Variants in TNRC6C observed in about 807,000 individuals in gnomAD.
The protein encoded by TNRC6C is trinucleotide repeat containing adaptor 6C.
TNRC6C carries 20 observed loss-of-function variants against 153.7 expected under a neutral mutation model. The observed-to-expected ratio is 0.13, with a 90% CI of 0.09 to 0.19. The LOEUF (loss-of-function observed/expected upper bound fraction) is 0.19. Ranked by LOEUF, TNRC6C falls within the 10% of genes least tolerant of loss-of-function variation. The probability of loss-of-function intolerance (pLI) is 1.00; values close to 1 mark genes in which losing one functional copy is unlikely to be tolerated. For missense variants in TNRC6C, 1,987 were observed against 2,172.0 expected (o/e 0.91, Z 1.69); for synonymous variants, 811 against 841.4 (o/e 0.96, Z 0.63).
At chr17:77,974,589 G>A (rs917538993) in intron 1 of TNRC6C, among the ~76,000 whole-genome samples, 2 of 152,144 alleles carry the variant, frequency 1.3e-5, no homozygotes, top group Non-Finnish European at 2.9e-5. Flanking sequence ...AACCTCAAGA[G>A]TAGCTGGGAC....
rs150168813 is a variant in TNRC6C, at chr17:78,030,511, C to T, written c.-545-1005C>T. 2.8e-4 allele frequency among the ~76,000 whole-genome samples: 43 copies of T among 152,198 alleles called. 1 individual carries two copies. The East Asian group carries it at 7.1e-3, about 25-fold the overall frequency. ...TGAGTAATGTGTTGTGACATTGCAA[C>T]GGCTGTGTCACCAGACGATAGGAAT... On this transcript the variant is annotated intron_variant, in intron 1 of 19. Transcript: ENST00000301624.
At chr17:78,081,433 T>TA (rs1252500761) in intron 10 of TNRC6C, among the ~76,000 whole-genome samples, 1 of 152,102 alleles carries the variant, frequency 6.6e-6, no homozygotes, top group Non-Finnish European at 1.5e-5. Context: ...ATTATCAATA[T>TA]AACTAATACA....
intron 5 of TNRC6C, among the ~76,000 whole-genome samples, chr17:78,069,453 G>A (rs943471281): frequency 2.6e-5 from 4 of 152,054 alleles, no homozygotes; most frequent in African/African-American, 9.7e-5. Flanking sequence ...CACCTTAGGG[G>A]CTGGAGTACA....
chr17:78,103,772 T>G (rs916639941), intron 19 of TNRC6C, among the ~76,000 whole-genome samples: 1 of 152,198 alleles, frequency 6.6e-6, no homozygotes, highest in Non-Finnish European at 1.5e-5. Flanking sequence ...GACAGCTGCC[T>G]TCTCCCTCTG....
At chr17:78,107,054 G>A (rs1279906921) in exon 20 of TNRC6C, 2 of 152,158 alleles carry the variant, frequency 1.3e-5, no homozygotes, top group African/African-American at 2.4e-5. Flanking sequence ...CATTACATGC[G>A]TTCTATATAT....
chr17:78,083,008 A>G (rs1319359401), intron 10 of TNRC6C, 39 bp from the exon 13 acceptor site: 1 of 1,607,580 alleles, frequency 6.2e-7, no homozygotes, highest in African/African-American at 1.3e-5. Flanking sequence ...CTATTTTAAC[A>G]GAGATACAAC....
intron 11 of TNRC6C, among the ~76,000 whole-genome samples, chr17:78,085,871 G>A (rs2073271807): frequency 6.6e-6 from 1 of 150,864 alleles, no homozygotes; most frequent in South Asian, 2.1e-4. Flanking sequence ...CAGTTTGTAT[G>A]AATCAAGCAG....
At chr17:78,004,653 G>A (rs934133457), upstream of TNRC6C, among the ~76,000 whole-genome samples, 1 of 151,976 alleles carries the variant, frequency 6.6e-6, no homozygotes, top group Non-Finnish European at 1.5e-5. Context: ...GTTCTTTTAC[G>A]AATCCTATTA....
chr17:78,028,183 T>C (rs1040154237), intron 1 of TNRC6C, among the ~76,000 whole-genome samples: 14 of 152,136 alleles, frequency 9.2e-5, no homozygotes, highest in East Asian at 3.8e-4. Context: ...GCGTGAGCCA[T>C]CGCCCCCCGC....
intron 3 of TNRC6C, among the ~76,000 whole-genome samples, chr17:78,054,619 C>G (rs995382424): frequency 6.6e-6 from 1 of 151,596 alleles, no homozygotes; most frequent in African/African-American, 2.4e-5. Flanking sequence ...CTACTGTAGA[C>G]TAGTATACAC....
At chr17:78,056,818 G>A (rs1042046958) in intron 3 of TNRC6C, among the ~76,000 whole-genome samples, 1 of 136,778 alleles carries the variant, frequency 7.3e-6, no homozygotes, top group Non-Finnish European at 1.6e-5. Context: ...GCTTCATGCT[G>A]AGAAAGGCAT....
intron 1 of TNRC6C, among the ~76,000 whole-genome samples, chr17:78,011,233 G>A (rs1034257710): frequency 6.6e-6 from 1 of 152,180 alleles, no homozygotes; most frequent in Non-Finnish European, 1.5e-5. Flanking sequence ...AGAAGAAATA[G>A]ATAAGTGTTG....
intron 1 of TNRC6C, among the ~76,000 whole-genome samples, chr17:77,968,878 C>G (rs1226678928): frequency 6.6e-6 from 1 of 152,200 alleles, no homozygotes; most frequent in Non-Finnish European, 1.5e-5. Context: ...ACCTTTCCCC[C>G]CTGTTTTCCC....
chr17:77,989,516 A>G (rs914018214), intron 1 of TNRC6C, among the ~76,000 whole-genome samples: 2 of 152,218 alleles, frequency 1.3e-5, no homozygotes, highest in Non-Finnish European at 2.9e-5. Flanking sequence ...TCACCTGCTA[A>G]TCAGTGCCAG....
intron 1 of TNRC6C, among the ~76,000 whole-genome samples, chr17:77,995,440 T>A (rs1325807575): frequency 1.3e-5 from 2 of 152,142 alleles, no homozygotes; most frequent in East Asian, 3.8e-4. Flanking sequence ...GAAAAATAGT[T>A]AAAGGTCACA....
intron 1 of TNRC6C, among the ~76,000 whole-genome samples, chr17:77,962,475 GAGCA>G (rs2070869267): frequency 6.6e-6 from 1 of 152,196 alleles, no homozygotes; most frequent in Non-Finnish European, 1.5e-5. Flanking sequence ...TTTGGGGATA[GAGCA>G]AGCAAAGATT....
chr17:77,958,935 G>C (rs1598632152), upstream of TNRC6C, among the ~76,000 whole-genome samples: 1 of 146,054 alleles, frequency 6.8e-6, no homozygotes, highest in South Asian at 2.1e-4. Flanking sequence ...GCGCCCAGCC[G>C]TCCGCAGCTG....
chr17:77,970,588 G>A (rs550047818), intron 1 of TNRC6C, among the ~76,000 whole-genome samples: 1 of 152,226 alleles, frequency 6.6e-6, no homozygotes, highest in African/African-American at 2.4e-5. Context: ...TGCCCAACCT[G>A]CAGCCCGGGA....
At position 78,063,834 on chromosome 17, in the gene TNRC6C, A is replaced by G. The variant is rs142288406; in HGVS notation, c.2396-888A>G. Among the ~76,000 whole-genome samples the G allele has an allele frequency of 3.4e-3, 515 of 152,318 alleles. 4 individuals are homozygous for G. Among genetic ancestry groups the G allele is most frequent in the African/African-American group, 0.012 (482 of 41,546 alleles). ...ATAAACAAGAATAATATTTCAGTAT[A>G]TATTTGCAACTCACAAATTTTTCTT... is the stretch of plus-strand genomic sequence containing the variant. On this transcript the variant is annotated intron_variant, in intron 3 of 19. Transcript: ENST00000301624.
Sources: allele counts gnomAD v4.1 joint callset (sites outside exome capture counted in the v4.1 genomes callset), GRCh38; gene constraint gnomAD v4.1.1; transcripts MANE v1.5; gene names NCBI Gene and HGNC (gene_info 2026-07-23, HGNC 2026-07-21).